The following ESCO2 variants were observed in gnomAD, a reference collection of about 807,000 sequenced individuals.
ESCO2 encodes N-acetyltransferase ESCO2.
In ESCO2, 51 loss-of-function variants were observed where a neutral mutation model predicts 61.7. That is an observed-to-expected ratio of 0.83 (90% confidence interval 0.66 to 1.04). The LOEUF is 1.04. Among genes scored for constraint, ESCO2 ranks in the 50% least tolerant of loss-of-function variants. The pLI is 0.00. For missense variants in ESCO2, 692 were observed against 686.2 expected (o/e 1.01, Z -0.09); for synonymous variants, 230 against 238.2 (o/e 0.97, Z 0.32).
At position 27,798,619 on chromosome 8, in the gene ESCO2, A is replaced by C. The variant is rs144360391; in HGVS notation, c.1498-922A>C. ...TAATAGCCAAAACCTGGTAACAACC[A>C]AAGTGTCCTTAAATGCTTTAGGTGA... On this transcript the variant is annotated intron_variant, in intron 9 of 10. Coordinates refer to ENST00000305188, the MANE Select transcript of ESCO2 (RefSeq NM_001017420.3). 2.2e-3 allele frequency among the ~76,000 whole-genome samples: 330 copies of C among 152,358 alleles called. 2 individuals are homozygous for C. The highest frequency in any genetic ancestry group is 7.7e-3 in the African/African-American group (321 of 41,586).
Position 27,803,733 on chromosome 8 carries a change from ACT to A in ESCO2, c.*298_*299del, listed in dbSNP as rs1313135807. The A allele has an allele frequency of 1.7e-6, 2 of 1,157,176 alleles. No homozygotes were observed. Among genetic ancestry groups the A allele is most frequent in the African/African-American group, 3.2e-5 (2 of 61,716 alleles). 71.7% of individuals were successfully genotyped at this position (1,157,176 alleles called of 1,614,324 possible). On this transcript the variant is annotated 3_prime_UTR_variant, in exon 11 of 11. Coordinates refer to ENST00000305188, the MANE Select transcript of ESCO2 (RefSeq NM_001017420.3). ...GTAGCTATAACTGGAAAATTACCTG[ACT>A]CTTTGTAAGAGTATTAAATACAAAG...
upstream of ESCO2, chr8:27,772,410 A>C (rs1804660305): frequency 1.2e-5 from 14 of 1,188,082 alleles, no homozygotes; most frequent in South Asian, 1.8e-4. Context: ...ACTCGCATCC[A>C]GAAGGCATTT....
intron 4 of ESCO2, among the ~76,000 whole-genome samples, chr8:27,783,083 A>C (rs4732749): frequency 7.9e-5 from 12 of 151,998 alleles, no homozygotes; most frequent in Admixed American, 4.6e-4. Flanking sequence ...TAGCCATTAC[A>C]GTACCATACA....
chr8:27,789,233 G>GA (rs1196761211), intron 7 of ESCO2, among the ~76,000 whole-genome samples: 1 of 151,988 alleles, frequency 6.6e-6, no homozygotes, highest in Non-Finnish European at 1.5e-5. Flanking sequence ...GTAGCCTTAG[G>GA]AAAAAAATAG....
downstream of ESCO2, among the ~76,000 whole-genome samples, chr8:27,813,923 T>TTTA (rs199763458): frequency 1.2e-3 from 134 of 115,428 alleles, no homozygotes; most frequent in African/African-American, 4.8e-3. Context: ...TTCTTATCAG[T>TTTA]TTATTTTTCT....
chr8:27,794,046 A>G (rs1165142473), intron 9 of ESCO2, among the ~76,000 whole-genome samples: 1 of 151,770 alleles, frequency 6.6e-6, no homozygotes, highest in African/African-American at 2.4e-5. Context: ...CTCCAGGTTC[A>G]TTCATGTTGT....
the ESCO2 span, among the ~76,000 whole-genome samples, chr8:27,819,046 C>T: frequency 6.6e-6 from 1 of 152,130 alleles, no homozygotes; most frequent in African/African-American, 2.4e-5. Flanking sequence ...TCCTGACTCT[C>T]ATGTTCTATT....
chr8:27,784,136 A>C (rs1029734214), intron 5 of ESCO2, 79 bp downstream of exon 5: 26 of 1,420,494 alleles, frequency 1.8e-5, no homozygotes, highest in Non-Finnish European at 2.6e-5. Context: ...GTCTCATGCT[A>C]CTTAATTTGG....
At chr8:27,779,072 A>G (rs1185466578) in intron 3 of ESCO2, 2 of 152,092 alleles carry the variant, frequency 1.3e-5, no homozygotes, top group Admixed American at 1.3e-4. Context: ...CGGCCACCAC[A>G]CCTGGCTAAT....
At chr8:27,809,960 T>C (rs1805636292), downstream of ESCO2, 1 of 238,320 alleles carries the variant, frequency 4.2e-6, no homozygotes, top group African/African-American at 2.3e-5. Context: ...AGTAGATCCA[T>C]TAAAATATAG....
At chr8:27,810,373 T>G (rs1404675669), downstream of ESCO2, 1 of 1,611,246 alleles carries the variant, frequency 6.2e-7, no homozygotes, top group Non-Finnish European at 8.5e-7. Context: ...TCTTCATTAG[T>G]GCATACAGAG....
chr8:27,774,104 AGT>A (rs1306240280), upstream of ESCO2, among the ~76,000 whole-genome samples: 8 of 152,242 alleles, frequency 5.3e-5, no homozygotes, highest in African/African-American at 1.9e-4. Context: ...TAATAAAAAA[AGT>A]GAAACTGACA....
Position 27,803,254 on chromosome 8 carries a change from A to G in ESCO2, c.1674-52A>G. 2.6e-6 allele frequency: 4 copies of G among 1,518,614 alleles called. No individual in the cohort carries two copies. In the South Asian group the frequency reaches 3.4e-5, roughly 13 times the overall value. 94.1% of individuals were successfully genotyped at this position (1,518,614 alleles called of 1,614,324 possible). A position where few individuals can be genotyped will look rare whatever the true frequency, so the allele number is the denominator to read the frequency against. On this transcript the variant is annotated intron_variant, in intron 10 of 10. Transcript: ENST00000305188. Reference sequence around the variant, plus strand: ...ATTTACTTAAATTGTGCTCATGTTAATTAGAATGTTAAGTTGCTTCCATCA... The same window carrying G: ...ATTTACTTAAATTGTGCTCATGTTAGTTAGAATGTTAAGTTGCTTCCATCA...
chr8:27,787,962 C>A lies in ESCO2; in HGVS notation c.1091C>A (p.Thr364Asn). The stretch of plus-strand genomic sequence containing the variant: ...ACCAATATCCAGAAAAATACTAATA[C>A]CAGAGATACAAGTAAAAAAACAAAA... ...KQTNIQKNTNTRDTSKKTKDQ... is the reference protein window; with the variant it reads ...KQTNIQKNTNNRDTSKKTKDQ... Residue 364 changes from threonine (T) to asparagine (N), a missense_variant, in exon 6 of 11, where the codon ACC becomes AAC. By Grantham distance (65) the Thr-to-Asn change is moderately conservative. Transcript: ENST00000305188. 6.2e-7 allele frequency: 1 copy of A among 1,613,492 alleles called. No homozygotes were observed. The highest frequency in any genetic ancestry group is 8.5e-7 in the Non-Finnish European group (1 of 1,179,696).
downstream of ESCO2, among the ~76,000 whole-genome samples, chr8:27,808,553 A>T (rs1187028187): frequency 6.6e-6 from 1 of 151,668 alleles, no homozygotes; most frequent in Non-Finnish European, 1.5e-5. Flanking sequence ...GGTGGCACAC[A>T]CCTGTGGTCC....
In ESCO2 at chr8:27,776,955, A is replaced by G; in HGVS notation, c.647A>G (p.Lys216Arg). Residue 216 changes from lysine to arginine, a missense_variant, in exon 3 of 11, where the codon AAA (lysine) becomes AGA (arginine). Coordinates refer to ENST00000305188, the MANE Select transcript of ESCO2 (RefSeq NM_001017420.3). ...GGAGCAGCATTTTTTGTTAGAAAAA[A>G]ATCTTCTCTTAGAAAATCGTCCCTG... The part of the protein sequence containing the change: ...QGGAAFFVRK[K>R]SSLRKSSLEN... 6.2e-7 allele frequency: 1 copy of G among 1,613,216 alleles called. No homozygotes were observed. Among genetic ancestry groups the G allele is most frequent in the Non-Finnish European group, 8.5e-7 (1 of 1,179,802 alleles).
chr8:27,810,397 C>T, downstream of ESCO2: 1 of 1,609,406 alleles, frequency 6.2e-7, no homozygotes, highest in Non-Finnish European at 8.5e-7. Flanking sequence ...AGTTCAATTA[C>T]TTTCTGGTAT....
intron 10 of ESCO2, among the ~76,000 whole-genome samples, chr8:27,802,688 A>G (rs1204769636): frequency 8.3e-6 from 1 of 119,922 alleles, no homozygotes; most frequent in Non-Finnish European, 1.7e-5. Flanking sequence ...ACTGCTTAAG[A>G]TTGATTTTTT....
intron 1 of ESCO2, among the ~76,000 whole-genome samples, chr8:27,775,183 G>C (rs1442778495): frequency 6.6e-6 from 1 of 152,220 alleles, no homozygotes; most frequent in East Asian, 1.9e-4. Context: ...TAGGAAAATG[G>C]CAGAGGACTG....
Sources: gnomAD v4.1 joint callset for allele counts (sites outside exome capture counted in the v4.1 genomes callset) on GRCh38, gnomAD v4.1.1 for gene constraint, MANE v1.5 for transcripts, NCBI Gene and HGNC (gene_info 2026-07-23, HGNC 2026-07-21) for gene names.